Variants in PIAS2 observed in about 807,000 individuals in gnomAD.
PIAS2 encodes E3 SUMO-protein ligase PIAS2.
In PIAS2, 19 loss-of-function variants were observed where a neutral mutation model predicts 69.7. The ratio of observed to expected loss-of-function variants is 0.27; its 90% CI spans 0.19 to 0.40. PIAS2 has a LOEUF of 0.40. Ranked by LOEUF, PIAS2 falls within the 10% of genes least tolerant of loss-of-function variation. PIAS2 has a pLI of 1.00. For synonymous variants in PIAS2, 261 were observed against 263.2 expected (o/e 0.99, Z 0.08); for missense variants, 624 against 757.0 (o/e 0.82, Z 2.06).
At chr18:46,900,996 A>G (rs1356852566) in intron 1 of PIAS2, 1 of 393,174 alleles carries the variant, frequency 2.5e-6, no homozygotes, top group African/African-American at 2.2e-5. Context: ...AAAAATAAAA[A>G]TAAGGAAGAA....
At chr18:46,839,746 T>G (rs565853005) in intron 8 of PIAS2, among the ~76,000 whole-genome samples, 2 of 151,396 alleles carry the variant, frequency 1.3e-5, no homozygotes, top group Non-Finnish European at 2.9e-5. Context: ...GCACCTGTAA[T>G]CCCAGCTACT....
At chr18:46,816,638 AT>A (rs955662215) in intron 12 of PIAS2, 788 of 241,748 alleles carry the variant, frequency 3.3e-3, no homozygotes, top group South Asian at 7.8e-3. Flanking sequence ...TATTATTATT[AT>A]TTTTTTTTTG....
At chr18:46,828,885 C>T (rs1198321142) in intron 10 of PIAS2, among the ~76,000 whole-genome samples, 1 of 152,148 alleles carries the variant, frequency 6.6e-6, no homozygotes, top group East Asian at 1.9e-4. Flanking sequence ...AACTTATCAA[C>T]TAAATCACTC....
At chr18:46,865,874 G>A (rs1411163531) in intron 2 of PIAS2, among the ~76,000 whole-genome samples, 1 of 152,138 alleles carries the variant, frequency 6.6e-6, no homozygotes, top group East Asian at 1.9e-4. Context: ...ACATAAGTAA[G>A]CCTCTCCATT....
chr18:46,918,320 G>A (rs982929617), upstream of PIAS2, among the ~76,000 whole-genome samples: 1 of 152,116 alleles, frequency 6.6e-6, no homozygotes, highest in African/African-American at 2.4e-5. Flanking sequence ...ACCCACACAC[G>A]AGAGGTCTTT....
chr18:46,855,317 C>T, intron 5 of PIAS2, 28 bp downstream of exon 5: 1 of 1,423,416 alleles, frequency 7.0e-7, no homozygotes, highest in South Asian at 1.2e-5. Flanking sequence ...AACTTATATG[C>T]AAATCTGGTG....
chr18:46,812,247 T>C lies in PIAS2; in HGVS notation c.*186A>G. Reference sequence around the variant, plus strand: ...GAGAGTACAGCATAATTAAGAAAAATCCTTGCATGTCATTTGGTTCTTGTT... The same window carrying C: ...GAGAGTACAGCATAATTAAGAAAAACCCTTGCATGTCATTTGGTTCTTGTT... On this transcript the variant is annotated 3_prime_UTR_variant, in exon 14 of 14. Coordinates refer to ENST00000585916, the MANE Select transcript of PIAS2 (RefSeq NM_004671.5). The C allele has an allele frequency of 1.9e-6, 1 of 514,414 alleles. No individual in the cohort carries two copies. 31.9% of individuals were successfully genotyped at this position (514,414 alleles called of 1,614,324 possible). A position where few individuals can be genotyped will look rare whatever the true frequency, so the allele number is the denominator to read the frequency against.
intron 7 of PIAS2, 25 bp downstream of exon 7, chr18:46,844,709 C>A (rs752120187): frequency 6.5e-6 from 5 of 767,306 alleles, no homozygotes; most frequent in South Asian, 6.3e-5. Context: ...TTTTTAAATG[C>A]TTGGTCTTAT....
chr18:46,886,819 C>T (rs1358552137), intron 2 of PIAS2, among the ~76,000 whole-genome samples: 1 of 151,668 alleles, frequency 6.6e-6, no homozygotes, highest in African/African-American at 2.4e-5. Flanking sequence ...TCCTGGGCGA[C>T]AGAACAAGAC....
intron 1 of PIAS2, chr18:46,907,422 T>C (rs893920552): frequency 6.6e-6 from 1 of 152,122 alleles, no homozygotes; most frequent in African/African-American, 2.4e-5. Flanking sequence ...ATGGAGCAAC[T>C]GGAACTCTAC....
Position 46,917,437 on chromosome 18 carries a change from C to G in PIAS2, c.-92G>C. ...GCCGCCACCACGGCCGCCGCCGCCT[C>G]CAGCACCATCCTGCACTGGGCGCCG... On this transcript the variant is annotated 5_prime_UTR_variant, in exon 1 of 14. Transcript: ENST00000585916. 1.5e-6 allele frequency: 2 copies of G among 1,348,008 alleles called. No individual in the cohort carries two copies. The highest frequency in any genetic ancestry group is 3.1e-5 in the African/African-American group (2 of 64,096). The allele number at this position is 1,348,008 out of a possible 1,614,324, so 83.5% of individuals were successfully genotyped here. A position where few individuals can be genotyped will look rare whatever the true frequency, so the allele number is the denominator to read the frequency against.
chr18:46,828,030 G>T lies in PIAS2; in HGVS notation c.1437C>A (p.Asp479Glu). 1 of 1,613,464 alleles carries T rather than the reference G, an allele frequency of 6.2e-7. No individual in the cohort carries two copies. Among genetic ancestry groups the T allele is most frequent in the East Asian group, 2.2e-5 (1 of 44,866 alleles). Residue 479 changes from aspartate to glutamate, a missense_variant, in exon 11 of 14, where the codon GAC becomes GAA. By Grantham distance (45) the Asp-to-Glu change is conservative. This residue lies in a region of PIAS2 where 241 missense variants were observed against 257.3 expected (regional missense o/e 0.94). Coordinates refer to ENST00000585916, the MANE Select transcript of PIAS2 (RefSeq NM_004671.5). The part of the protein sequence containing the change: ...VIDLTIESSS[D>E]EEEDPPAKRK... ...TTTTGGCAGGAGGGTCTTCCTCTTC[G>T]TCAGAAGAGCTTTCTATTGTAAGAT...
intron 8 of PIAS2, among the ~76,000 whole-genome samples, chr18:46,838,116 T>C (rs150414258): frequency 2.0e-5 from 3 of 152,372 alleles, no homozygotes; most frequent in East Asian, 3.9e-4. Context: ...TCTTTTTCTT[T>C]TGGTTCATCT....
chr18:46,870,615 C>CAAAAAAAA (rs58099640), intron 2 of PIAS2, among the ~76,000 whole-genome samples: 10 of 54,932 alleles, frequency 1.8e-4, no homozygotes, highest in Non-Finnish European at 2.7e-4. Context: ...GACTCCGTCT[C>CAAAAAAAA]AAAAAAAAAA....
At position 46,917,455 on chromosome 18, in the gene PIAS2, G is replaced by A. The variant is rs1219062569; in HGVS notation, c.-110C>T. The A allele has an allele frequency of 2.8e-5, 35 of 1,237,974 alleles. No individual in the cohort carries two copies. The East Asian group carries it at 3.1e-4, about 11-fold the overall frequency. 76.7% of individuals were successfully genotyped at this position (1,237,974 alleles called of 1,614,324 possible). A position where few individuals can be genotyped will look rare whatever the true frequency, so the allele number is the denominator to read the frequency against. On this transcript the variant is annotated 5_prime_UTR_variant, in exon 1 of 14. Transcript: ENST00000585916. ...GCCGCCTCCAGCACCATCCTGCACT[G>A]GGCGCCGCTTAAGACGCCGCGGCCG...
At chr18:46,916,859 G>A in intron 1 of PIAS2, 1 of 985,500 alleles carries the variant, frequency 1.0e-6, no homozygotes, top group Non-Finnish European at 1.2e-6. Context: ...GCCATAAGAA[G>A]AGGAGAGATT....
At chr18:46,816,664 C>T (rs746892306) in intron 12 of PIAS2, 9 of 280,756 alleles carry the variant, frequency 3.2e-5, no homozygotes, top group Non-Finnish European at 4.8e-5. Flanking sequence ...GAGAGGGTCT[C>T]GCTATGTTGC....
intron 3 of PIAS2, among the ~76,000 whole-genome samples, chr18:46,859,618 G>A (rs780200651): frequency 1.9e-4 from 29 of 151,942 alleles, no homozygotes; most frequent in African/African-American, 2.4e-4. Context: ...TTTCAACTTC[G>A]CATCTTTGGT....
intron 2 of PIAS2, among the ~76,000 whole-genome samples, chr18:46,865,365 C>A (rs2145621850): frequency 6.6e-6 from 1 of 152,094 alleles, no homozygotes; most frequent in Non-Finnish European, 1.5e-5. Context: ...CATGGTGAAA[C>A]CCCATCTCTA....
Sources: allele counts gnomAD v4.1 joint callset (sites outside exome capture counted in the v4.1 genomes callset), GRCh38; gene constraint gnomAD v4.1.1; regional missense constraint gnomAD v4.1.1; transcripts MANE v1.5; gene names NCBI Gene and HGNC (gene_info 2026-07-23, HGNC 2026-07-21).